The following ARHGEF10 variants were observed in gnomAD, a reference collection of about 807,000 sequenced individuals.
ARHGEF10 encodes the protein Rho guanine nucleotide exchange factor 10.
Under a neutral mutation model 147.4 loss-of-function variants are expected in ARHGEF10, and 140 were observed. That is an observed-to-expected ratio of 0.95 (90% confidence interval 0.83 to 1.09). The LOEUF (loss-of-function observed/expected upper bound fraction) is 1.09, where lower values mean the gene tolerates loss of function less well. Among genes scored for constraint, ARHGEF10 ranks in the 50% least tolerant of loss-of-function variants. ARHGEF10 has a pLI of 0.00. For missense variants in ARHGEF10, 2,222 were observed against 1,752.7 expected, an observed-to-expected ratio of 1.27 and a Z score of -4.78; for synonymous variants, 902 against 695.8, an observed-to-expected ratio of 1.30 and a Z score of -4.67.
At chr8:1,955,879 C>T (rs986294135) in intron 28 of ARHGEF10, among the ~76,000 whole-genome samples, 3 of 152,262 alleles carry the variant, frequency 2.0e-5, no homozygotes, top group African/African-American at 7.2e-5. Flanking sequence ...AGGTGATGAG[C>T]GGGCCTGTCC....
intron 2 of ARHGEF10, among the ~76,000 whole-genome samples, chr8:1,854,153 C>T (rs1805370568): frequency 6.6e-6 from 1 of 152,200 alleles, no homozygotes; most frequent in Non-Finnish European, 1.5e-5. Context: ...TGCCCAGGAT[C>T]CCCCAGGGCC....
At chr8:1,932,450 G>T (rs1813227886) in intron 25 of ARHGEF10, among the ~76,000 whole-genome samples, 1 of 152,136 alleles carries the variant, frequency 6.6e-6, no homozygotes, top group Non-Finnish European at 1.5e-5. Flanking sequence ...GTGCACATGT[G>T]CATGCCTGCA....
At chr8:1,950,737 T>G (rs1294288139) in intron 27 of ARHGEF10, among the ~76,000 whole-genome samples, 1 of 146,432 alleles carries the variant, frequency 6.8e-6, no homozygotes, top group South Asian at 2.1e-4. Context: ...TAGGTTTTTT[T>G]TTTTTTTTTT....
At chr8:1,902,174 G>A (rs576315438) in intron 15 of ARHGEF10, among the ~76,000 whole-genome samples, 75 of 151,162 alleles carry the variant, frequency 5.0e-4, no homozygotes, top group African/African-American at 1.6e-3. Context: ...AACAGGCCCC[G>A]GTGTGTGATG....
chr8:1,922,948 T>G lies in ARHGEF10; in HGVS notation c.2144-16T>G, dbSNP rs112914148. 0.071 allele frequency: 111,738 copies of G among 1,563,440 alleles called. 4,505 individuals are homozygous for G. The highest frequency in any genetic ancestry group is 0.1 in the Middle Eastern group (609 of 5,884). On this transcript the variant is annotated splice_polypyrimidine_tract_variant and intron_variant, in intron 18 of 28. Transcript: ENST00000349830. ...TACCTTTGTATTCTTTTTTTTTCTTTTTGCTTATTTTGTAGACAAAGTTTA... is the reference window on the plus strand; with the variant it reads ...TACCTTTGTATTCTTTTTTTTTCTTGTTGCTTATTTTGTAGACAAAGTTTA...
At chr8:1,863,952 C>A (rs1420788985) in intron 4 of ARHGEF10, among the ~76,000 whole-genome samples, 1 of 151,990 alleles carries the variant, frequency 6.6e-6, no homozygotes, top group Non-Finnish European at 1.5e-5. Flanking sequence ...AGGCGGATGC[C>A]CCTTCAGGCC....
Position 1,866,492 on chromosome 8 carries a change from G to A in ARHGEF10, c.546-34G>A, listed in dbSNP as rs201519599. ...CATCCTAGTGACTTGGGCTGTGCCT[G>A]GATATTCTGACTTTATGGTTTGTTT... On this transcript the variant is annotated intron_variant, in intron 5 of 28. Transcript: ENST00000349830. 3.7e-6 allele frequency: 6 copies of A among 1,607,866 alleles called. No individual in the cohort carries two copies. The African/African-American group carries it at 8.0e-5, about 22-fold the overall frequency.
chr8:1,863,601 C>T (rs147465802), intron 4 of ARHGEF10, among the ~76,000 whole-genome samples: 17 of 152,260 alleles, frequency 1.1e-4, no homozygotes, highest in East Asian at 3.9e-4. Context: ...CCACGTGGCC[C>T]GCACCCACGC....
chr8:1,859,145 C>CGGT (rs1328822792), intron 3 of ARHGEF10, among the ~76,000 whole-genome samples: 28 of 78,076 alleles, frequency 3.6e-4, no homozygotes, highest in East Asian at 7.9e-4. Context: ...ACGCGCCTCT[C>CGGT]TGCTTACACG....
At chr8:1,890,622 A>G (rs1276657163) in intron 11 of ARHGEF10, among the ~76,000 whole-genome samples, 4 of 131,774 alleles carry the variant, frequency 3.0e-5, no homozygotes, top group African/African-American at 1.2e-4. Context: ...GGTTATGAAG[A>G]GACACTGAGT....
At chr8:1,871,971 A>G (rs1294977154) in intron 7 of ARHGEF10, among the ~76,000 whole-genome samples, 2 of 152,210 alleles carry the variant, frequency 1.3e-5, no homozygotes, top group East Asian at 3.8e-4. Context: ...TAAAGTATTA[A>G]CAAAACCAAA....
intron 27 of ARHGEF10, among the ~76,000 whole-genome samples, chr8:1,947,033 T>C (rs1194300117): frequency 6.6e-6 from 1 of 152,250 alleles, no homozygotes; most frequent in Non-Finnish European, 1.5e-5. Flanking sequence ...TAAGTCCCTG[T>C]GGCTCAGAAA....
rs185816875 is a variant in ARHGEF10, at chr8:1,828,393, G to T, written c.-48+4280G>T. Among the ~76,000 whole-genome samples the T allele has an allele frequency of 7.0e-4, 107 of 152,036 alleles. 1 individual carries two copies. The highest frequency in any genetic ancestry group is 2.6e-3 in the African/African-American group (106 of 41,404). On this transcript the variant is annotated intron_variant, in intron 1 of 28. Coordinates refer to ENST00000349830, the MANE Select transcript of ARHGEF10 (RefSeq NM_014629.4). ...AGGAATTACATTTTGATAAACCGTG[G>T]CATGCACACTTACTGTTTTAAGGAA...
intron 13 of ARHGEF10, among the ~76,000 whole-genome samples, chr8:1,895,421 C>T (rs901572788): frequency 6.6e-6 from 1 of 152,096 alleles, no homozygotes. Context: ...GAAATGTTTT[C>T]CTATATAGTT....
At chr8:1,942,194 G>T (rs1814150685) in intron 26 of ARHGEF10, among the ~76,000 whole-genome samples, 1 of 148,836 alleles carries the variant, frequency 6.7e-6, no homozygotes, top group South Asian at 2.2e-4. Flanking sequence ...CCACAGAGTG[G>T]GAGAAAATAC....
At chr8:1,925,502 T>C (rs1314217709) in intron 22 of ARHGEF10, 98 bp downstream of exon 22, 55 of 1,523,932 alleles carry the variant, frequency 3.6e-5, no homozygotes, top group Non-Finnish European at 4.9e-5. Flanking sequence ...GGTCAGAACA[T>C]GGTCCTCCCA....
intron 28 of ARHGEF10, among the ~76,000 whole-genome samples, chr8:1,954,976 AC>A (rs1373139130): frequency 6.8e-6 from 1 of 147,484 alleles, no homozygotes; most frequent in Non-Finnish European, 1.5e-5. Flanking sequence ...AAGGAGGTGC[AC>A]TCTCACTGTT....
rs183992684 is a variant in ARHGEF10 at position 1,860,095 on chromosome 8, G to C, written c.392G>C (p.Cys131Ser). 4.1e-5 allele frequency: 66 copies of C among 1,614,102 alleles called. No homozygotes were observed. In the East Asian group the frequency reaches 1.4e-3, roughly 35 times the overall value. Residue 131 changes from cysteine to serine, a missense_variant, in exon 4 of 29, where the codon TGC (cysteine) becomes TCC (serine). Coordinates refer to ENST00000349830, the MANE Select transcript of ARHGEF10 (RefSeq NM_014629.4). ...TGCGGGTACTTGGTGCCTGTACCCT[G>C]CGGCTATGCGGTGCCCTCCAACCTG... is the stretch of plus-strand genomic sequence containing the variant. ...VPCGYLVPVP[C>S]GYAVPSNLPL...
At chr8:1,942,198 A>G (rs1208255079) in intron 26 of ARHGEF10, among the ~76,000 whole-genome samples, 2 of 150,400 alleles carry the variant, frequency 1.3e-5, no homozygotes, top group African/African-American at 4.9e-5. Flanking sequence ...AGAGTGGGAG[A>G]AAATACGTAC....
Sources: allele counts gnomAD v4.1 joint callset (sites outside exome capture counted in the v4.1 genomes callset), GRCh38; gene constraint gnomAD v4.1.1; transcripts MANE v1.5; gene names NCBI Gene and HGNC (gene_info 2026-07-23, HGNC 2026-07-21).